The following NUP54 variants were observed in gnomAD, a reference collection of about 807,000 sequenced individuals.
NUP54 encodes the protein nucleoporin 54, also known as nucleoporin p54.
In NUP54, 27 loss-of-function variants were observed where a neutral mutation model predicts 66.4. The ratio of observed to expected loss-of-function variants is 0.41; its 90% confidence interval spans 0.30 to 0.56. NUP54 has a LOEUF of 0.56. Among genes scored for constraint, NUP54 ranks in the 20% least tolerant of loss-of-function variants. The probability of loss-of-function intolerance (pLI) is 0.34; values close to 1 mark genes in which losing one functional copy is unlikely to be tolerated. For missense variants in NUP54, 486 were observed against 596.3 expected (o/e 0.82, Z 1.93); for synonymous variants, 206 against 210.7 (o/e 0.98, Z 0.19).
chr4:76,117,697 G>A lies in NUP54; in HGVS notation c.1362C>T (p.Tyr454=), dbSNP rs1560672496. 2 of 1,613,062 alleles carry A rather than the reference G, an allele frequency of 1.2e-6. No individual in the cohort carries two copies. The highest frequency in any genetic ancestry group is 1.3e-5 in the African/African-American group (1 of 74,902). ...TTTCTCGTAACAGATCTGCATCTAT[G>A]TAATACCTTTCTTCAGATCTGACTG... ...FGAVRSEERY[Y]IDADLLREIK... Residue 454 remains tyrosine, a synonymous_variant, in exon 11 of 12, where the codon TAC becomes TAT. Transcript: ENST00000264883.
At chr4:76,135,729 A>C (rs973856541) in intron 4 of NUP54, among the ~76,000 whole-genome samples, 1 of 152,244 alleles carries the variant, frequency 6.6e-6, no homozygotes, top group Admixed American at 6.5e-5. Context: ...TTTTCTGAAG[A>C]GACAAATGAG....
At chr4:76,134,144 A>T (rs376926604) in intron 5 of NUP54, 31 bp downstream of exon 5, 2 of 1,466,784 alleles carry the variant, frequency 1.4e-6, no homozygotes, top group African/African-American at 2.8e-5. Context: ...ATAAATACAC[A>T]GAAATAAACA....
chr4:76,116,184 T>A (rs1729943686), intron 11 of NUP54, among the ~76,000 whole-genome samples: 1 of 152,196 alleles, frequency 6.6e-6, no homozygotes, highest in Non-Finnish European at 1.5e-5. Flanking sequence ...ATCAACTCTA[T>A]TTAATACAAC....
chr4:76,134,520 G>T (rs551916604), intron 4 of NUP54, among the ~76,000 whole-genome samples, 158 bp from the exon 5 acceptor site: 5 of 152,162 alleles, frequency 3.3e-5, no homozygotes, highest in Admixed American at 2.0e-4. Context: ...GCCCTAGGAG[G>T]TCACAAAATT....
At chr4:76,124,561 T>A in intron 9 of NUP54, 88 bp downstream of exon 9, 1 of 480,732 alleles carries the variant, frequency 2.1e-6, no homozygotes, top group Non-Finnish European at 3.7e-6. Context: ...TTTTAGTATT[T>A]TTTTTTCTAT....
rs373362204 is a variant in NUP54, at chr4:76,124,773, TG to T, written c.1057-18del. The stretch of plus-strand genomic sequence containing the variant: ...AGATATGATCTGTTTAAAAAAAAAT[TG>T]GGGGGGGGAGGGTTAATCAAATATC... On this transcript the variant is annotated intron_variant, in intron 8 of 11. Coordinates refer to ENST00000264883, the MANE Select transcript of NUP54 (RefSeq NM_017426.4). 0.015 allele frequency: 6,316 copies of T among 433,498 alleles called. 128 individuals are homozygous for T. The highest frequency in any genetic ancestry group is 0.042 in the East Asian group (689 of 16,426). The allele number at this position is 433,498 out of a possible 1,614,324, so 26.9% of individuals were successfully genotyped here.
chr4:76,132,602 T>A lies in NUP54; in HGVS notation c.828A>T (p.Gln276His). 2 of 1,614,120 alleles carry A rather than the reference T, an allele frequency of 1.2e-6. No individual in the cohort carries two copies. The highest frequency in any genetic ancestry group is 1.7e-6 in the Non-Finnish European group (2 of 1,180,006). ...TAGTCATAGAAAGGGTTACACCAAG[T>A]TGCTGCAATTGTGTTTTTATATTGG... is the stretch of plus-strand genomic sequence containing the variant. ...EQANIKTQLQ[Q>H]LGVTLSMTRT... The change falls in exon 6 of 12, where the codon CAA becomes CAT. Residue 276 changes from glutamine to histidine, a missense_variant. Transcript: ENST00000264883.
In NUP54 at chr4:76,131,187, C is replaced by T. The variant is rs772009958; in HGVS notation, c.962+43G>A. 9 of 1,217,008 alleles carry T rather than the reference C, an allele frequency of 7.4e-6. No homozygotes were observed. The Middle Eastern group carries it at 5.8e-4, about 79-fold the overall frequency. 75.4% of individuals were successfully genotyped at this position (1,217,008 alleles called of 1,614,324 possible). ...GCTCCCATGTTTGCTTTCCTAGTAG[C>T]AAATATTAGTTCTTAAATGAAACAA... is the stretch of plus-strand genomic sequence containing the variant. On this transcript the variant is annotated intron_variant, in intron 7 of 11. Transcript: ENST00000264883.
Position 76,115,434 on chromosome 4 carries a change from C to T in NUP54, c.1456G>A (p.Glu486Lys). The stretch of plus-strand genomic sequence containing the variant: ...CCATGTTCGACCAGCTTTATATCTT[C>T]TAGATCGTCTTTAATGATGCTAATC... ...HLISIIKDDL[E>K]DIKLVEHGLN... Residue 486 changes from glutamate to lysine, a missense_variant, in exon 12 of 12, where the codon GAA becomes AAA. This residue lies in a region of NUP54 where 83 missense variants were observed against 128.6 expected (regional missense o/e 0.65). Transcript: ENST00000264883. 6.2e-7 allele frequency: 1 copy of T among 1,611,400 alleles called. No homozygotes were observed. The highest frequency in any genetic ancestry group is 2.2e-5 in the East Asian group (1 of 44,696).
intron 11 of NUP54, among the ~76,000 whole-genome samples, chr4:76,117,195 A>G (rs1452302838): frequency 6.6e-6 from 1 of 152,174 alleles, no homozygotes; most frequent in African/African-American, 2.4e-5. Flanking sequence ...TGAGTGGCTT[A>G]TTTCATGAAG....
At chr4:76,136,044 T>C (rs1311363497) in intron 4 of NUP54, 142 bp downstream of exon 4, 4 of 640,852 alleles carry the variant, frequency 6.2e-6, no homozygotes, top group Admixed American at 3.1e-5. Flanking sequence ...AATTTTATAA[T>C]TTCTATATTT....
intron 4 of NUP54, 94 bp downstream of exon 4, chr4:76,136,091 TA>T: frequency 1.2e-6 from 1 of 831,078 alleles, no homozygotes; most frequent in Non-Finnish European, 1.9e-6. Context: ...GTTCAAGGAG[TA>T]AAGATCCAAG....
chr4:76,129,965 A>ATT (rs1560682995), intron 8 of NUP54, among the ~76,000 whole-genome samples: 1 of 112,706 alleles, frequency 8.9e-6, no homozygotes, highest in Non-Finnish European at 1.8e-5. Flanking sequence ...TAATTATGAA[A>ATT]GTTTTTTTTT....
chr4:76,138,296 A>G (rs1731124098), intron 3 of NUP54, among the ~76,000 whole-genome samples: 1 of 152,098 alleles, frequency 6.6e-6, no homozygotes, highest in Admixed American at 6.6e-5. Context: ...TGATCTCTAT[A>G]CCGAGACATA....
Position 76,144,134 on chromosome 4 carries a change from A to C in NUP54, c.295+15T>G. On this transcript the variant is annotated intron_variant, in intron 3 of 11. Transcript: ENST00000264883. ...ATCACGGTTTTGTATTTGAAGCTGAAAACCTCATACTTACTAGTTTGCTGC... is the reference window on the plus strand; with the variant it reads ...ATCACGGTTTTGTATTTGAAGCTGACAACCTCATACTTACTAGTTTGCTGC... 1.9e-6 allele frequency: 3 copies of C among 1,613,076 alleles called. No individual in the cohort carries two copies. The highest frequency in any genetic ancestry group is 2.5e-6 in the Non-Finnish European group (3 of 1,179,634).
chr4:76,133,582 C>T (rs913504506), intron 5 of NUP54, among the ~76,000 whole-genome samples: 3 of 152,158 alleles, frequency 2.0e-5, no homozygotes, highest in Non-Finnish European at 2.9e-5. Flanking sequence ...GCTGGGATTA[C>T]AGGCGTGAGC....
At chr4:76,121,628 G>A (rs62299354) in intron 9 of NUP54, among the ~76,000 whole-genome samples, 19,928 of 151,984 alleles carry the variant, frequency 0.13, 1,506 homozygotes, top group East Asian at 0.34. Context: ...ATCACACCCA[G>A]CTTAATCTAT....
chr4:76,145,853 C>A (rs904757125), intron 1 of NUP54: 1 of 271,944 alleles, frequency 3.7e-6, no homozygotes, highest in Non-Finnish European at 7.2e-6. Flanking sequence ...TATTAATCAC[C>A]TCATTCTGAT....
intron 11 of NUP54, among the ~76,000 whole-genome samples, chr4:76,115,904 CT>C (rs1462799928): frequency 1.3e-5 from 2 of 152,176 alleles, no homozygotes; most frequent in Non-Finnish European, 2.9e-5. Context: ...GTGGTGATGA[CT>C]ACAGATGCTA....
Sources: gnomAD v4.1 joint callset for allele counts (sites outside exome capture counted in the v4.1 genomes callset) on GRCh38, gnomAD v4.1.1 for gene constraint, gnomAD v4.1.1 regional missense constraint, MANE v1.5 for transcripts, NCBI Gene and HGNC (gene_info 2026-07-23, HGNC 2026-07-21) for gene names.